PCF11: variants seen among roughly 807,000 people sequenced by gnomAD.
PCF11 encodes pre-mRNA cleavage complex 2 protein Pcf11.
Under a neutral mutation model 166.1 loss-of-function variants are expected in PCF11, and 19 were observed. That is an observed-to-expected ratio of 0.11 (90% CI 0.08 to 0.17). PCF11 has a LOEUF of 0.17. Among genes scored for constraint, PCF11 ranks in the 10% least tolerant of loss-of-function variants. The pLI is 1.00. For missense variants in PCF11, 1,565 were observed against 1,855.5 expected (o/e 0.84, Z 2.88); for synonymous variants, 663 against 644.1 (o/e 1.03, Z -0.44).
chr11:83,173,986 C>G (rs1860789524), intron 9 of PCF11, among the ~76,000 whole-genome samples: 1 of 152,040 alleles, frequency 6.6e-6, no homozygotes, highest in South Asian at 2.1e-4. Flanking sequence ...GCCTTGACCT[C>G]CCAAAGTGCT....
intron 9 of PCF11, among the ~76,000 whole-genome samples, chr11:83,175,842 G>T (rs186185863): frequency 6.6e-6 from 1 of 152,312 alleles, no homozygotes; most frequent in East Asian, 1.9e-4. Context: ...CACCAATGAG[G>T]ATTCCTTATC....
chr11:83,184,781 G>A, exon 16 of PCF11: 1 of 1,611,908 alleles, frequency 6.2e-7, no homozygotes, highest in Non-Finnish European at 8.5e-7. Flanking sequence ...GGAACCCTGT[G>A]ACAGTCCCAA....
Position 83,167,523 on chromosome 11 carries a change from G to A in PCF11, c.2092+18G>A. On this transcript the variant is annotated intron_variant, in intron 7 of 15. Transcript: ENST00000298281. The surrounding 1 kb of genome is among the most constrained non-coding windows in gnomAD (Gnocchi z 4.2). ...TCAAGAAGGTAAACATAGATGCAAT[G>A]TACGGGATAGTCCTACAGAAGAAAA... The A allele has an allele frequency of 6.2e-7, 1 of 1,608,438 alleles. No individual in the cohort carries two copies. Among genetic ancestry groups the A allele is most frequent in the Non-Finnish European group, 8.5e-7 (1 of 1,177,098 alleles).
exon 8 of PCF11, chr11:83,168,558 A>G: frequency 6.2e-7 from 1 of 1,614,036 alleles, no homozygotes. Context: ...CAAATCAGCG[A>G]CTTACAGCTT....
chr11:83,157,673 C>T (rs376825070), intron 1 of PCF11, 42 bp downstream of exon 1: 467 of 1,558,514 alleles, frequency 3.0e-4, no homozygotes, highest in Non-Finnish European at 3.8e-4. Flanking sequence ...TCTAATACTC[C>T]CTGATTTTAG....
intron 11 of PCF11, 133 bp downstream of exon 11, chr11:83,177,952 T>C (rs968609448): frequency 2.6e-6 from 1 of 387,392 alleles, no homozygotes; most frequent in Non-Finnish European, 4.7e-6. Flanking sequence ...GAAGTCTTTT[T>C]TTTTTTTTAA....
At chr11:83,181,594 T>G (rs1181420771) in intron 12 of PCF11, among the ~76,000 whole-genome samples, 2 of 147,136 alleles carry the variant, frequency 1.4e-5, no homozygotes, top group Non-Finnish European at 2.9e-5. Flanking sequence ...GCTCTAGGAC[T>G]GTTTTTTGTA....
At chr11:83,179,475 C>T (rs1861008525) in intron 11 of PCF11, among the ~76,000 whole-genome samples, 1 of 152,096 alleles carries the variant, frequency 6.6e-6, no homozygotes, top group African/African-American at 2.4e-5. Context: ...TTCTCGAACT[C>T]CTGGGCTCAA....
In PCF11 at chr11:83,167,303, C is replaced by G; in HGVS notation, c.1996C>G (p.Gln666Glu). The G allele has an allele frequency of 1.2e-6, 2 of 1,611,486 alleles. No individual in the cohort carries two copies. Among genetic ancestry groups the G allele is most frequent in the Non-Finnish European group, 8.5e-7 (1 of 1,178,140 alleles). Residue 666 changes from glutamine (Q) to glutamate (E), a missense_variant, in exon 6 of 16, where the codon CAA (glutamine) becomes GAA (glutamate). Gln to Glu is a conservative substitution (Grantham distance 29). Transcript: ENST00000298281. This position sits in a 1 kb window ranked among gnomAD's most constrained non-coding sequence, Gnocchi z 4.2. The stretch of plus-strand genomic sequence containing the variant: ...TCTTGCAAGCAAAAGAGAATTACTT[C>G]AAAAGGTAGTTACTATGATTAATCC...
intron 11 of PCF11, among the ~76,000 whole-genome samples, chr11:83,178,918 GATAAC>G (rs1212969026): frequency 6.6e-6 from 1 of 151,850 alleles, no homozygotes; most frequent in South Asian, 2.1e-4. Context: ...TCACTTTATG[GATAAC>G]AACTGTTAAC....
At chr11:83,176,170 G>A (rs1159616827) in intron 9 of PCF11, among the ~76,000 whole-genome samples, 1 of 152,188 alleles carries the variant, frequency 6.6e-6, no homozygotes, top group Non-Finnish European at 1.5e-5. Flanking sequence ...AAGGTGGAAA[G>A]TTGGAGATGG....
exon 1 of PCF11, chr11:83,157,618 C>G (rs1860041499): frequency 1.9e-6 from 3 of 1,613,872 alleles, no homozygotes; most frequent in Non-Finnish European, 2.5e-6. Context: ...CTCATCGAGG[C>G]CCAAACCGCC....
intron 9 of PCF11, among the ~76,000 whole-genome samples, chr11:83,173,334 A>T (rs1860753030): frequency 6.6e-6 from 1 of 152,144 alleles, no homozygotes; most frequent in Non-Finnish European, 1.5e-5. Flanking sequence ...GCATGCCTGT[A>T]GTCCCAGCTA....
rs1483377129 is a variant in PCF11, at chr11:83,157,284, C to A, written c.-156C>A. The A allele has an allele frequency of 9.2e-6, 6 of 652,314 alleles. No individual in the cohort carries two copies. The East Asian group carries it at 1.6e-4, about 18-fold the overall frequency. 40.4% of individuals were successfully genotyped at this position (652,314 alleles called of 1,614,324 possible). On this transcript the variant is annotated 5_prime_UTR_variant, in exon 1 of 16. Coordinates refer to ENST00000298281, the Ensembl canonical transcript of PCF11. ...GCGGCGTTTCATACCCGAGGTTCCC[C>A]CTGTGTCGTCCCCCATCCCCCCTCC...
At chr11:83,182,075 C>A in intron 13 of PCF11, 66 bp downstream of exon 13, 1 of 1,224,296 alleles carries the variant, frequency 8.2e-7, no homozygotes. Flanking sequence ...TGTAAATACT[C>A]ATAAACACAT....
chr11:83,163,926 C>A, intron 3 of PCF11, 59 bp downstream of exon 3: 2 of 789,024 alleles, frequency 2.5e-6, no homozygotes, highest in South Asian at 2.5e-5. Context: ...TTGAATTCTT[C>A]TGCAGAACTT....
At chr11:83,158,197 T>G (rs1860071466) in intron 1 of PCF11, 2 of 151,932 alleles carry the variant, frequency 1.3e-5, no homozygotes, top group African/African-American at 4.9e-5. Context: ...GAGAGGAGAA[T>G]CCATTCCCTG....
At chr11:83,179,365 G>A (rs866824206) in intron 11 of PCF11, among the ~76,000 whole-genome samples, 2 of 151,306 alleles carry the variant, frequency 1.3e-5, no homozygotes, top group African/African-American at 2.4e-5. Flanking sequence ...TTCTCCTGCC[G>A]CAGCCTCCTG....
In PCF11 at chr11:83,180,945, T is replaced by C. The variant is rs1590939120; in HGVS notation, c.3984-63T>C. 6.9e-6 allele frequency: 6 copies of C among 864,888 alleles called. No individual in the cohort carries two copies. In the East Asian group the frequency reaches 1.4e-4, roughly 20 times the overall value. 53.6% of individuals were successfully genotyped at this position (864,888 alleles called of 1,614,324 possible). On this transcript the variant is annotated intron_variant, in intron 11 of 15. Coordinates refer to ENST00000298281, the Ensembl canonical transcript of PCF11. The stretch of plus-strand genomic sequence containing the variant: ...GTATGGAAAATTGAAATATTTGTAA[T>C]TGGCTTTTAAAGGCCATTAAGCCAT...
Sources: gnomAD v4.1 joint callset for allele counts (sites outside exome capture counted in the v4.1 genomes callset) on GRCh38, gnomAD v4.1.1 for gene constraint, Gnocchi (gnomAD v3.1) non-coding constraint, MANE v1.5 for transcripts, NCBI Gene and HGNC (gene_info 2026-07-23, HGNC 2026-07-21) for gene names.